VPS13B: variants seen among roughly 807,000 people sequenced by gnomAD.
VPS13B encodes intermembrane lipid transfer protein VPS13B.
VPS13B carries 285 observed loss-of-function variants against 426.4 expected under a neutral mutation model. The ratio of observed to expected loss-of-function variants is 0.67; its 90% CI spans 0.61 to 0.74. The LOEUF (loss-of-function observed/expected upper bound fraction) is 0.74, where lower values mean the gene tolerates loss of function less well. Ranked by LOEUF, VPS13B falls within the 30% of genes least tolerant of loss-of-function variation. VPS13B has a pLI of 0.00. For missense variants in VPS13B, 4,537 were observed against 4,782.6 expected (o/e 0.95, Z 1.51); for synonymous variants, 1,676 against 1,676.4 (o/e 1.00, Z 0.01).
chr8:99,439,553 G>A (rs1817577055), intron 22 of VPS13B, among the ~76,000 whole-genome samples: 1 of 152,014 alleles, frequency 6.6e-6, no homozygotes, highest in South Asian at 2.1e-4. Flanking sequence ...TTCCTGAAGA[G>A]TAACATACAC....
intron 30 of VPS13B, among the ~76,000 whole-genome samples, chr8:99,548,515 T>C (rs552540834): frequency 4.1e-4 from 62 of 152,126 alleles, no homozygotes; most frequent in African/African-American, 1.5e-3. Context: ...CCCATAAATT[T>C]ATACATTATG....
chr8:99,305,398 A>G (rs913595095), intron 19 of VPS13B, among the ~76,000 whole-genome samples: 5 of 152,198 alleles, frequency 3.3e-5, no homozygotes, highest in African/African-American at 1.2e-4. Context: ...CCCAGAGATT[A>G]TTTCAAGTAT....
At chr8:99,178,206 T>C (rs905056960) in intron 16 of VPS13B, among the ~76,000 whole-genome samples, 4 of 152,234 alleles carry the variant, frequency 2.6e-5, no homozygotes, top group East Asian at 3.9e-4. Context: ...GTGCACATTG[T>C]GCAGGTTAGT....
At chr8:99,169,590 T>C (rs371733490) in intron 15 of VPS13B, among the ~76,000 whole-genome samples, 4 of 151,926 alleles carry the variant, frequency 2.6e-5, no homozygotes, top group African/African-American at 9.7e-5. Flanking sequence ...TTATACAAGG[T>C]GAAGACAAAA....
At chr8:99,353,581 C>T (rs1354668705) in intron 19 of VPS13B, among the ~76,000 whole-genome samples, 1 of 148,718 alleles carries the variant, frequency 6.7e-6, no homozygotes, top group Non-Finnish European at 1.5e-5. Context: ...TACATTCTTA[C>T]TAGAGCAGAC....
At chr8:99,207,962 A>G (rs1422964897) in intron 17 of VPS13B, among the ~76,000 whole-genome samples, 2 of 152,228 alleles carry the variant, frequency 1.3e-5, no homozygotes, top group Non-Finnish European at 2.9e-5. Context: ...AAGATCAAGT[A>G]TGGCTTTAAA....
At chr8:99,094,563 T>C (rs1465779362) in intron 3 of VPS13B, among the ~76,000 whole-genome samples, 1 of 152,220 alleles carries the variant, frequency 6.6e-6, no homozygotes, top group Non-Finnish European at 1.5e-5. Context: ...GCAAGTCTTT[T>C]TGCTTGTATG....
intron 8 of VPS13B, among the ~76,000 whole-genome samples, chr8:99,125,308 C>A (rs1278290706): frequency 6.6e-6 from 1 of 152,124 alleles, no homozygotes; most frequent in Non-Finnish European, 1.5e-5. Flanking sequence ...CAGGAAGCAT[C>A]CAGCACAGGC....
At chr8:99,692,669 C>T (rs1336519833) in intron 35 of VPS13B, among the ~76,000 whole-genome samples, 2 of 134,246 alleles carry the variant, frequency 1.5e-5, no homozygotes, top group African/African-American at 5.9e-5. Context: ...CAAAAGCTAG[C>T]AGAAGGCAAG....
At chr8:99,547,719 C>A (rs1198950560) in intron 30 of VPS13B, among the ~76,000 whole-genome samples, 1 of 152,044 alleles carries the variant, frequency 6.6e-6, no homozygotes, top group Non-Finnish European at 1.5e-5. Flanking sequence ...CCTCCTACAC[C>A]ACCTGCTGAA....
chr8:99,526,196 A>G (rs528654112), intron 30 of VPS13B, among the ~76,000 whole-genome samples: 2 of 152,224 alleles, frequency 1.3e-5, no homozygotes, highest in Non-Finnish European at 2.9e-5. Flanking sequence ...AGTCACAATT[A>G]AGAACAAATG....
intron 2 of VPS13B, among the ~76,000 whole-genome samples, chr8:99,033,966 C>A (rs1842629428): frequency 6.6e-6 from 1 of 152,114 alleles, no homozygotes; most frequent in Non-Finnish European, 1.5e-5. Context: ...GTTTTGAAGT[C>A]TTTGTGTACC....
chr8:99,751,419 A>G (rs1191971426), intron 39 of VPS13B, among the ~76,000 whole-genome samples: 2 of 152,182 alleles, frequency 1.3e-5, no homozygotes, highest in Non-Finnish European at 2.9e-5. Context: ...CCAGAAAAGT[A>G]TGGAATGAGT....
chr8:99,670,748 G>T (rs1445063686), intron 35 of VPS13B, among the ~76,000 whole-genome samples: 1 of 151,994 alleles, frequency 6.6e-6, no homozygotes, highest in African/African-American at 2.4e-5. Context: ...GTCTATTTCT[G>T]TTTGGTTTAT....
chr8:99,851,474 A>T (rs554331441), intron 55 of VPS13B, among the ~76,000 whole-genome samples: 1 of 152,296 alleles, frequency 6.6e-6, no homozygotes, highest in South Asian at 2.1e-4. Context: ...GCTCAGTAAG[A>T]GGGGCTGGAA....
chr8:99,271,247 A>ACTG (rs144769424), intron 17 of VPS13B, among the ~76,000 whole-genome samples: 10,994 of 148,688 alleles, frequency 0.074, 796 homozygotes, highest in Middle Eastern at 0.098. Context: ...TACTACTACT[A>ACTG]CGATGATGAT....
rs1327151091 is a variant in VPS13B, at chr8:99,513,044, A to C, written c.4633+1532A>C. Among the ~76,000 whole-genome samples the C allele has an allele frequency of 2.6e-5, 4 of 151,776 alleles. No homozygotes were observed. The East Asian group carries it at 7.7e-4, about 29-fold the overall frequency. ...AAAAAAAAAAAAACCATAATGTTGC[A>C]GTATCTGTAACTATTTTATTAAAAT... On this transcript the variant is annotated intron_variant, in intron 29 of 61. Transcript: ENST00000357162.
In VPS13B at chr8:99,342,550, A is replaced by G. The variant is rs76855028; in HGVS notation, c.2825-41658A>G. On this transcript the variant is annotated intron_variant, in intron 19 of 61. Transcript: ENST00000357162. ...AGTATAATGTCCTCCAGGTTCATCTATGTTGTTGCAAAATGACAAATTTTT... is the reference window on the plus strand; with the variant it reads ...AGTATAATGTCCTCCAGGTTCATCTGTGTTGTTGCAAAATGACAAATTTTT... 1.1e-4 allele frequency among the ~76,000 whole-genome samples: 16 copies of G among 151,942 alleles called. No homozygotes were observed. The East Asian group carries it at 1.7e-3, about 16-fold the overall frequency.
intron 3 of VPS13B, chr8:99,092,135 T>C (rs1348370294): frequency 6.6e-6 from 1 of 152,198 alleles, no homozygotes; most frequent in African/African-American, 2.4e-5. Flanking sequence ...TAACATGAAC[T>C]CATGATCTGT....
Sources: allele counts gnomAD v4.1 joint callset (sites outside exome capture counted in the v4.1 genomes callset), GRCh38; gene constraint gnomAD v4.1.1; transcripts MANE v1.5; gene names NCBI Gene and HGNC (gene_info 2026-07-23, HGNC 2026-07-21).